The following RAB11FIP5 variants were observed in gnomAD, a reference collection of about 807,000 sequenced individuals.
The protein encoded by RAB11FIP5 is rab11 family-interacting protein 5.
Under a neutral mutation model 85.1 loss-of-function variants are expected in RAB11FIP5, and 48 were observed. That is an observed-to-expected ratio of 0.56 (90% confidence interval 0.45 to 0.72). The LOEUF is 0.72. Among genes scored for constraint, RAB11FIP5 ranks in the 30% least tolerant of loss-of-function variants. The pLI, the probability that RAB11FIP5 is intolerant of heterozygous loss-of-function variation, is 0.00. For synonymous variants in RAB11FIP5, 729 were observed against 727.3 expected, an observed-to-expected ratio of 1.00 and a Z score of -0.04; for missense variants, 1,491 against 1,687.0, an observed-to-expected ratio of 0.88 and a Z score of 2.04.
chr2:73,087,932 G>A, intron 3 of RAB11FIP5, 118 bp downstream of exon 3: 1 of 1,028,164 alleles, frequency 9.7e-7, no homozygotes, highest in South Asian at 1.6e-5. Context: ...TGCAAAGCCA[G>A]AGCCCCAGCA....
chr2:73,102,627 A>G (rs1219005547), intron 1 of RAB11FIP5, among the ~76,000 whole-genome samples: 2 of 152,074 alleles, frequency 1.3e-5, no homozygotes, highest in Admixed American at 1.3e-4. Flanking sequence ...ATCTCTCACT[A>G]CTGTTGGCAG....
rs1021015428 is a variant in RAB11FIP5 at position 73,086,869 on chromosome 2, C to G, written c.1568+1181G>C. Among the ~76,000 whole-genome samples, 1 of 152,172 alleles carries G rather than the reference C, an allele frequency of 6.6e-6. No homozygotes were observed. The highest frequency in any genetic ancestry group is 6.5e-5 in the Admixed American group (1 of 15,288). ...ATGCCCCTGAAACTGATCCACCCCC[C>G]CATACCCCTATCTATGAGGGTCTAA... On this transcript the variant is annotated intron_variant, in intron 3 of 5. Coordinates refer to ENST00000486777, the MANE Select transcript of RAB11FIP5 (RefSeq NM_001371272.1). The surrounding 1 kb of genome is among the most constrained non-coding windows in gnomAD (Gnocchi z 4.4).
At chr2:73,102,117 C>T (rs1025977696) in intron 1 of RAB11FIP5, among the ~76,000 whole-genome samples, 2 of 151,780 alleles carry the variant, frequency 1.3e-5, no homozygotes, top group African/African-American at 4.8e-5. Context: ...GGGAAAGAGG[C>T]GAGGAGGGGG....
rs1016350814 is a variant in RAB11FIP5, at chr2:73,112,860, G to T, written c.-83C>A. The T allele has an allele frequency of 4.7e-6, 6 of 1,266,102 alleles. No individual in the cohort carries two copies. The highest frequency in any genetic ancestry group is 6.1e-6 in the Non-Finnish European group (6 of 988,654). The allele number at this position is 1,266,102 out of a possible 1,614,324, so 78.4% of individuals were successfully genotyped here. Reference sequence around the variant, plus strand: ...ACAAACCCGGCCGCGGCAGAAGGCGGTCAGGAACCAACTCTGAGCGCCGCC... The same window carrying T: ...ACAAACCCGGCCGCGGCAGAAGGCGTTCAGGAACCAACTCTGAGCGCCGCC... On this transcript the variant is annotated 5_prime_UTR_variant, in exon 1 of 6. Coordinates refer to ENST00000486777, the MANE Select transcript of RAB11FIP5 (RefSeq NM_001371272.1).
chr2:73,097,984 T>C (rs1489329987), intron 1 of RAB11FIP5, among the ~76,000 whole-genome samples: 1 of 152,186 alleles, frequency 6.6e-6, no homozygotes, highest in Non-Finnish European at 1.5e-5. Flanking sequence ...GGCACAATAC[T>C]AAGCACTGAA....
chr2:73,108,586 TC>T (rs1340975771), intron 1 of RAB11FIP5, among the ~76,000 whole-genome samples: 212 of 152,312 alleles, frequency 1.4e-3, no homozygotes, highest in African/African-American at 5.0e-3. Flanking sequence ...TATATCCAGG[TC>T]CATTCCCTGG....
chr2:73,078,130 G>A lies in RAB11FIP5; in HGVS notation c.3581+1521C>T, dbSNP rs1264371781. Among the ~76,000 whole-genome samples, 2 of 152,212 alleles carry A rather than the reference G, an allele frequency of 1.3e-5. No homozygotes were observed. The highest frequency in any genetic ancestry group is 2.4e-5 in the African/African-American group (1 of 41,438). ...TAAAAGCAGCTCTAATGCCACCTGCGGGCTGTGCCAGGGAAGGGGAGGATG... is the reference window on the plus strand; with the variant it reads ...TAAAAGCAGCTCTAATGCCACCTGCAGGCTGTGCCAGGGAAGGGGAGGATG... On this transcript the variant is annotated intron_variant, in intron 4 of 5. Transcript: ENST00000486777. This position sits in a 1 kb window ranked among gnomAD's most constrained non-coding sequence, Gnocchi z 4.4.
intron 1 of RAB11FIP5, among the ~76,000 whole-genome samples, chr2:73,106,100 G>A (rs780914960): frequency 6.0e-4 from 92 of 152,184 alleles, no homozygotes; most frequent in Non-Finnish European, 1.2e-3. Flanking sequence ...TTACCTCTCC[G>A]TGCCAAGGTT....
chr2:73,102,910 G>A (rs969692581), intron 1 of RAB11FIP5, among the ~76,000 whole-genome samples: 1 of 152,164 alleles, frequency 6.6e-6, no homozygotes, highest in Non-Finnish European at 1.5e-5. Context: ...ATAAAATCAT[G>A]CAGTTAAAGA....
rs1392865927 is a variant in RAB11FIP5 at position 73,075,775 on chromosome 2, T to TGCCC, written c.3772-52_3772-51insGGGC. ...CAGGGCAGCCCTAGGCCTGCCTGCCTGCCTGCCCGCTTGCCCGCCCGCCCG... is the reference window on the plus strand; with the variant it reads ...CAGGGCAGCCCTAGGCCTGCCTGCCTGCCCGCCTGCCCGCTTGCCCGCCCGCCCG... On this transcript the variant is annotated intron_variant, in intron 5 of 5. Transcript: ENST00000486777. The surrounding 1 kb of genome is among the most constrained non-coding windows in gnomAD (Gnocchi z 4.6). 1.3e-6 allele frequency: 2 copies of TGCCC among 1,530,174 alleles called. No individual in the cohort carries two copies. The highest frequency in any genetic ancestry group is 1.8e-6 in the Non-Finnish European group (2 of 1,133,242). 94.8% of individuals were successfully genotyped at this position (1,530,174 alleles called of 1,614,324 possible).
chr2:73,097,041 TTTTTA>T (rs57678381), intron 1 of RAB11FIP5, among the ~76,000 whole-genome samples: 1 of 150,764 alleles, frequency 6.6e-6, no homozygotes. Flanking sequence ...CCTCTTTATG[TTTTTA>T]TTTTATTTTG....
chr2:73,080,773 T>C lies in RAB11FIP5; in HGVS notation c.2459A>G (p.Asn820Ser). ...GQDDESSRGE[N>S]QLCPDVETAD... ...TGTCTCGACGTCAGGGCAAAGCTGATTTTCGCCTCGGGAGGACTCATCGTC... is the reference window on the plus strand; with the variant it reads ...TGTCTCGACGTCAGGGCAAAGCTGACTTTCGCCTCGGGAGGACTCATCGTC... Residue 820 changes from asparagine to serine, a missense_variant, in exon 4 of 6, where the codon AAT (asparagine) becomes AGT (serine). This residue lies in a region of RAB11FIP5 where 1,211 missense variants were observed against 1,338.0 expected (regional missense o/e 0.91). Coordinates refer to ENST00000486777, the MANE Select transcript of RAB11FIP5 (RefSeq NM_001371272.1). 1 of 1,232,466 alleles carries C rather than the reference T, an allele frequency of 8.1e-7. No homozygotes were observed. The highest frequency in any genetic ancestry group is 1.0e-6 in the Non-Finnish European group (1 of 988,138). 76.3% of individuals were successfully genotyped at this position (1,232,466 alleles called of 1,614,324 possible). A position where few individuals can be genotyped will look rare whatever the true frequency, so the allele number is the denominator to read the frequency against.
intron 1 of RAB11FIP5, 129 bp downstream of exon 1, chr2:73,112,218 T>G: frequency 9.1e-7 from 1 of 1,103,452 alleles, no homozygotes. Flanking sequence ...CCAACGTTTC[T>G]GTCGGTTTAC....
chr2:73,075,935 G>C lies in RAB11FIP5; in HGVS notation c.3771+58C>G, dbSNP rs1683849932. On this transcript the variant is annotated intron_variant, in intron 5 of 5. Coordinates refer to ENST00000486777, the MANE Select transcript of RAB11FIP5 (RefSeq NM_001371272.1). The surrounding 1 kb of genome is among the most constrained non-coding windows in gnomAD (Gnocchi z 4.6). ...CCTGCCCCACCCTCACCAGGACCAA[G>C]CCCTGAGACTCCACCACACATTCTG... The C allele has an allele frequency of 9.0e-6, 14 of 1,561,746 alleles. No homozygotes were observed. The highest frequency in any genetic ancestry group is 1.2e-5 in the Non-Finnish European group (14 of 1,147,252).
In RAB11FIP5 at chr2:73,081,241, G is replaced by A; in HGVS notation, c.1991C>T (p.Ala664Val). The change falls in exon 4 of 6, where the codon GCC becomes GTC. Residue 664 changes from alanine to valine, a missense_variant. By Grantham distance (64) the Ala-to-Val change is moderately conservative. Coordinates refer to ENST00000486777, the MANE Select transcript of RAB11FIP5 (RefSeq NM_001371272.1). The surrounding 1 kb of genome is among the most constrained non-coding windows in gnomAD (Gnocchi z 4.2). ...VFAASRLRPE[A>V]RSEILAPAGV... ...TGCAGGGGCCAGGATCTCGCTCCTG[G>A]CCTCTGGACGCAGCCTGCTGGCAGC... 8.1e-7 allele frequency: 1 copy of A among 1,232,326 alleles called. No individual in the cohort carries two copies. The highest frequency in any genetic ancestry group is 1.0e-6 in the Non-Finnish European group (1 of 988,140). The allele number at this position is 1,232,326 out of a possible 1,614,324, so 76.3% of individuals were successfully genotyped here. A position where few individuals can be genotyped will look rare whatever the true frequency, so the allele number is the denominator to read the frequency against.
In RAB11FIP5 at chr2:73,079,872, C is replaced by T; in HGVS notation, c.3360G>A (p.Gly1120=). 6 of 1,232,436 alleles carry T rather than the reference C, an allele frequency of 4.9e-6. No individual in the cohort carries two copies. Among genetic ancestry groups the T allele is most frequent in the Non-Finnish European group, 6.1e-6 (6 of 988,228 alleles). 76.3% of individuals were successfully genotyped at this position (1,232,436 alleles called of 1,614,324 possible). A position where few individuals can be genotyped will look rare whatever the true frequency, so the allele number is the denominator to read the frequency against. ...ACAGGGGAGAGCATGGAGGGCTGGG[C>T]CCCCCACGGTGGTGGCTGGCCCAAG... is the stretch of plus-strand genomic sequence containing the variant. ...LPPWASHHRG[G]PSPPCSPLSE... is the part of the protein sequence containing the mutation. Residue 1120 remains glycine (G), a synonymous_variant, in exon 4 of 6, where the codon GGG becomes GGA. Coordinates refer to ENST00000486777, the MANE Select transcript of RAB11FIP5 (RefSeq NM_001371272.1).
At chr2:73,110,940 G>A (rs1379345756) in intron 1 of RAB11FIP5, among the ~76,000 whole-genome samples, 2 of 152,242 alleles carry the variant, frequency 1.3e-5, no homozygotes, top group East Asian at 1.9e-4. Context: ...AAGAGATCCA[G>A]GAGAGAGCTT....
chr2:73,075,925 C>T lies in RAB11FIP5; in HGVS notation c.3771+68G>A. 6.4e-7 allele frequency: 1 copy of T among 1,551,216 alleles called. No homozygotes were observed. Among genetic ancestry groups the T allele is most frequent in the Non-Finnish European group, 8.8e-7 (1 of 1,140,636 alleles). On this transcript the variant is annotated intron_variant, in intron 5 of 5. Transcript: ENST00000486777. The surrounding 1 kb of genome is among the most constrained non-coding windows in gnomAD (Gnocchi z 4.6). The stretch of plus-strand genomic sequence containing the variant: ...TGGCCTGCTCCCTGCCCCACCCTCA[C>T]CAGGACCAAGCCCTGAGACTCCACC...
chr2:73,105,580 T>A (rs1210228449), intron 1 of RAB11FIP5, among the ~76,000 whole-genome samples: 2 of 151,730 alleles, frequency 1.3e-5, no homozygotes, highest in Non-Finnish European at 2.9e-5. Context: ...TGGCAGTGAC[T>A]CCCTCCCAAA....
Sources: allele counts gnomAD v4.1 joint callset (sites outside exome capture counted in the v4.1 genomes callset), GRCh38; gene constraint gnomAD v4.1.1; regional missense constraint gnomAD v4.1.1; non-coding constraint Gnocchi (gnomAD v3.1); transcripts MANE v1.5; gene names NCBI Gene and HGNC (gene_info 2026-07-23, HGNC 2026-07-21).